The following SRBD1 variants were observed in gnomAD, a reference collection of about 807,000 sequenced individuals.
SRBD1 encodes the protein S1 RNA-binding domain-containing protein 1.
In SRBD1, 88 loss-of-function variants were observed where a neutral mutation model predicts 115.3. The ratio of observed to expected loss-of-function variants is 0.76; its 90% CI spans 0.64 to 0.91. The LOEUF is 0.91. Among genes scored for constraint, SRBD1 ranks in the 40% least tolerant of loss-of-function variants. The probability of loss-of-function intolerance (pLI) is 0.00; values close to 1 mark genes in which losing one functional copy is unlikely to be tolerated. For missense variants in SRBD1, 1,385 were observed against 1,177.4 expected (o/e 1.18, Z -2.58); for synonymous variants, 509 against 407.7 (o/e 1.25, Z -2.99).
At chr2:45,590,557 T>C (rs569958445) in intron 4 of SRBD1, among the ~76,000 whole-genome samples, 1 of 152,324 alleles carries the variant, frequency 6.6e-6, no homozygotes, top group Admixed American at 6.5e-5. Flanking sequence ...GTTCTTGTGA[T>C]AATGAGTGAG....
At chr2:45,574,855 T>C (rs1673128882) in intron 7 of SRBD1, 132 bp from the exon 8 acceptor site, 4 of 732,518 alleles carry the variant, frequency 5.5e-6, no homozygotes, top group Non-Finnish European at 8.7e-6. Context: ...GACAGAAAGA[T>C]ATTGCAGCAG....
At chr2:45,516,879 T>C (rs1398828940) in intron 14 of SRBD1, among the ~76,000 whole-genome samples, 4 of 152,156 alleles carry the variant, frequency 2.6e-5, no homozygotes, top group African/African-American at 9.7e-5. Context: ...ATTAATTGAG[T>C]CACTCAATGT....
intron 14 of SRBD1, among the ~76,000 whole-genome samples, chr2:45,511,230 G>A (rs1431986936): frequency 6.6e-6 from 1 of 152,152 alleles, no homozygotes; most frequent in Admixed American, 6.5e-5. Flanking sequence ...AACATTTCCT[G>A]TTCACTTTGT....
At chr2:45,571,425 C>T (rs1307559239) in intron 9 of SRBD1, among the ~76,000 whole-genome samples, 3 of 148,368 alleles carry the variant, frequency 2.0e-5, no homozygotes, top group Non-Finnish European at 3.0e-5. Context: ...GCAAACCAAC[C>T]CCAAAACAAG....
chr2:45,528,214 T>C (rs1398780022), intron 14 of SRBD1, among the ~76,000 whole-genome samples: 12 of 151,874 alleles, frequency 7.9e-5, no homozygotes, highest in Admixed American at 7.9e-4. Context: ...AGATTATAAA[T>C]GCTTGAATGA....
intron 2 of SRBD1, among the ~76,000 whole-genome samples, chr2:45,603,401 C>A (rs1313158775): frequency 6.6e-6 from 1 of 152,182 alleles, no homozygotes; most frequent in Non-Finnish European, 1.5e-5. Flanking sequence ...GGCAGCTTCT[C>A]TTTAGCCCCT....
chr2:45,495,863 G>T (rs1212380257), intron 14 of SRBD1, among the ~76,000 whole-genome samples: 2 of 152,114 alleles, frequency 1.3e-5, no homozygotes, highest in Non-Finnish European at 2.9e-5. Context: ...TAATTAAAAT[G>T]GTCTTTGGTC....
At chr2:45,520,605 C>A (rs1671253003) in intron 14 of SRBD1, among the ~76,000 whole-genome samples, 1 of 152,152 alleles carries the variant, frequency 6.6e-6, no homozygotes. Context: ...CTATCCTGAA[C>A]CCATAAAAAC....
intron 14 of SRBD1, among the ~76,000 whole-genome samples, chr2:45,522,969 C>A (rs886754892): frequency 6.6e-6 from 1 of 151,998 alleles, no homozygotes; most frequent in South Asian, 2.1e-4. Flanking sequence ...AACATCCCAA[C>A]CTCCACATTG....
At position 45,590,620 on chromosome 2, in the gene SRBD1, T is replaced by C. The variant is rs371451474; in HGVS notation, c.649-4846A>G. On this transcript the variant is annotated intron_variant, in intron 4 of 20. Coordinates refer to ENST00000263736, the MANE Select transcript of SRBD1 (RefSeq NM_018079.5). Reference sequence around the variant, plus strand: ...TGTCTGGCATTTCCTCTACTTGCACTTTTCCCTGCCACCATGTGAAGAAGG... The same window carrying C: ...TGTCTGGCATTTCCTCTACTTGCACCTTTCCCTGCCACCATGTGAAGAAGG... Among the ~76,000 whole-genome samples the C allele has an allele frequency of 2.4e-4, 37 of 152,282 alleles. No homozygotes were observed. The East Asian group carries it at 3.9e-3, about 16-fold the overall frequency.
chr2:45,509,468 C>T (rs1157742626), intron 14 of SRBD1, among the ~76,000 whole-genome samples: 4 of 151,922 alleles, frequency 2.6e-5, no homozygotes, highest in South Asian at 2.1e-4. Flanking sequence ...CGGTGGTGGG[C>T]GCCTGCAGTC....
intron 14 of SRBD1, among the ~76,000 whole-genome samples, chr2:45,504,731 T>A (rs1670745769): frequency 6.6e-6 from 1 of 152,144 alleles, no homozygotes; most frequent in Admixed American, 6.6e-5. Flanking sequence ...CTTAGGACAT[T>A]TAGATGGCTC....
At chr2:45,470,383 T>A (rs1345151092) in intron 16 of SRBD1, among the ~76,000 whole-genome samples, 4 of 152,190 alleles carry the variant, frequency 2.6e-5, no homozygotes, top group African/African-American at 9.7e-5. Flanking sequence ...TAATGAAGAA[T>A]AAAGATGGCC....
chr2:45,593,734 G>A (rs1673796909), intron 4 of SRBD1, among the ~76,000 whole-genome samples: 1 of 152,164 alleles, frequency 6.6e-6, no homozygotes, highest in African/African-American at 2.4e-5. Context: ...CCTCCCCTCT[G>A]AAAAGCTGTT....
chr2:45,510,471 C>A (rs1670933456), intron 14 of SRBD1, among the ~76,000 whole-genome samples: 1 of 152,108 alleles, frequency 6.6e-6, no homozygotes, highest in African/African-American at 2.4e-5. Flanking sequence ...CTCTAAAATA[C>A]AGAAAAATCT....
At chr2:45,575,319 G>A (rs893793774) in intron 7 of SRBD1, among the ~76,000 whole-genome samples, 11 of 152,290 alleles carry the variant, frequency 7.2e-5, no homozygotes, top group Admixed American at 4.6e-4. Context: ...GTCTACAGAT[G>A]AGCATTAAGT....
chr2:45,473,503 AAAG>A (rs1201900602), intron 16 of SRBD1, among the ~76,000 whole-genome samples: 1 of 152,134 alleles, frequency 6.6e-6, no homozygotes, highest in African/African-American at 2.4e-5. Flanking sequence ...CAATTCTTTC[AAAG>A]AAGGTGTGAA....
chr2:45,480,466 T>G (rs149436459), intron 15 of SRBD1, among the ~76,000 whole-genome samples: 2 of 152,250 alleles, frequency 1.3e-5, no homozygotes, highest in Non-Finnish European at 2.9e-5. Flanking sequence ...GATTCAATAT[T>G]TTGGTGGAGA....
intron 16 of SRBD1, among the ~76,000 whole-genome samples, chr2:45,444,678 G>A (rs1668768543): frequency 6.6e-6 from 1 of 152,114 alleles, no homozygotes; most frequent in African/African-American, 2.4e-5. Context: ...ACATATGTTA[G>A]TTGGCATCAT....
Sources: gnomAD v4.1 joint callset for allele counts (sites outside exome capture counted in the v4.1 genomes callset) on GRCh38, gnomAD v4.1.1 for gene constraint, MANE v1.5 for transcripts, NCBI Gene and HGNC (gene_info 2026-07-23, HGNC 2026-07-21) for gene names.